Variants in NELL1 observed in about 807,000 individuals in gnomAD.
The protein encoded by NELL1 is neural EGFL like 1.
In NELL1, 76 loss-of-function variants were observed where a neutral mutation model predicts 107.4. The ratio of observed to expected loss-of-function variants is 0.71; its 90% CI spans 0.59 to 0.86. The LOEUF is 0.86. NELL1 is among the 40% of genes least tolerant of loss of function. The pLI, the probability that NELL1 is intolerant of heterozygous loss-of-function variation, is 0.00. For synonymous variants in NELL1, 353 were observed against 341.2 expected, an observed-to-expected ratio of 1.03 and a Z score of -0.38; for missense variants, 1,024 against 1,005.5, an observed-to-expected ratio of 1.02 and a Z score of -0.25.
At chr11:21,056,410 A>T (rs1853616670) in intron 12 of NELL1, among the ~76,000 whole-genome samples, 1 of 152,102 alleles carries the variant, frequency 6.6e-6, no homozygotes, top group Non-Finnish European at 1.5e-5. Flanking sequence ...AGAAGTGAGG[A>T]GGTTTGGGTC....
chr11:20,859,374 T>G (rs992884002), intron 4 of NELL1, among the ~76,000 whole-genome samples: 4 of 152,230 alleles, frequency 2.6e-5, no homozygotes, highest in Admixed American at 6.5e-5. Context: ...TTTGAAGTAT[T>G]GATAGGTTCA....
intron 13 of NELL1, among the ~76,000 whole-genome samples, chr11:21,218,369 G>T (rs1857669583): frequency 6.6e-6 from 1 of 152,042 alleles, no homozygotes; most frequent in Non-Finnish European, 1.5e-5. Context: ...TTGACATGTA[G>T]TAAGTGTACA....
At chr11:21,498,294 C>T (rs1440253664) in intron 15 of NELL1, among the ~76,000 whole-genome samples, 2 of 148,690 alleles carry the variant, frequency 1.3e-5, no homozygotes, top group Non-Finnish European at 3.0e-5. Flanking sequence ...CTCCATTTCA[C>T]CCATGTTTTA....
chr11:21,072,372 T>A (rs966626654), intron 12 of NELL1, among the ~76,000 whole-genome samples: 1 of 152,194 alleles, frequency 6.6e-6, no homozygotes, highest in African/African-American at 2.4e-5. Flanking sequence ...GTTCTTTCAC[T>A]ATTATTGTCC....
intron 14 of NELL1, among the ~76,000 whole-genome samples, chr11:21,315,161 G>A (rs962958022): frequency 1.3e-5 from 2 of 152,094 alleles, no homozygotes; most frequent in Non-Finnish European, 2.9e-5. Flanking sequence ...CTGGCTGAGA[G>A]CTCTTAACCA....
At chr11:21,432,651 G>C (rs886450246) in intron 15 of NELL1, among the ~76,000 whole-genome samples, 3 of 152,140 alleles carry the variant, frequency 2.0e-5, no homozygotes, top group Non-Finnish European at 2.9e-5. Flanking sequence ...TGGGGAGATT[G>C]GAAGGAAATA....
At chr11:20,755,033 C>G (rs932771683) in intron 2 of NELL1, among the ~76,000 whole-genome samples, 1 of 152,152 alleles carries the variant, frequency 6.6e-6, no homozygotes, top group African/African-American at 2.4e-5. Flanking sequence ...AAACAACTTC[C>G]CCAACCCCAA....
At chr11:20,960,628 G>A (rs1284660311) in intron 12 of NELL1, 68 bp downstream of exon 12, 12 of 1,556,520 alleles carry the variant, frequency 7.7e-6, no homozygotes, top group Admixed American at 1.8e-5. Context: ...GGTAGATGTG[G>A]TTAAAGAGTG....
intron 13 of NELL1, among the ~76,000 whole-genome samples, chr11:21,223,826 T>A (rs1857824053): frequency 6.6e-6 from 1 of 152,242 alleles, no homozygotes; most frequent in African/African-American, 2.4e-5. Flanking sequence ...TAGGACTTTG[T>A]TAAGCTTTTC....
chr11:21,243,001 A>AT (rs1311649098), intron 14 of NELL1, among the ~76,000 whole-genome samples: 1 of 151,980 alleles, frequency 6.6e-6, no homozygotes, highest in East Asian at 1.9e-4. Context: ...GTTAGTGATC[A>AT]TTTTTCCCCC....
rs74319160 is a variant in NELL1, at chr11:20,713,944, C to T, written c.184+35884C>T. Reference sequence around the variant, plus strand: ...CTCCTGAGATCTGGATATTCAGATTCCTCAGTTTGCATGTATGTTTGGAGG... The same window carrying T: ...CTCCTGAGATCTGGATATTCAGATTTCTCAGTTTGCATGTATGTTTGGAGG... On this transcript the variant is annotated intron_variant, in intron 2 of 19. Transcript: ENST00000357134. Among the ~76,000 whole-genome samples, 1,061 of 152,280 alleles carry T rather than the reference C, an allele frequency of 7.0e-3. 8 individuals are homozygous for T. Among genetic ancestry groups the T allele is most frequent in the Middle Eastern group, 0.024 (7 of 294 alleles).
chr11:21,353,506 G>T (rs1850862494), intron 14 of NELL1, among the ~76,000 whole-genome samples: 1 of 152,126 alleles, frequency 6.6e-6, no homozygotes, highest in East Asian at 1.9e-4. Flanking sequence ...CATTTTGAGG[G>T]ATTTGAGCTT....
chr11:21,340,806 G>A (rs1850546989), intron 14 of NELL1, among the ~76,000 whole-genome samples: 2 of 152,256 alleles, frequency 1.3e-5, no homozygotes, highest in South Asian at 4.1e-4. Context: ...GTAGCCTTCA[G>A]AAGGAACCAA....
At chr11:21,322,749 C>T (rs928273407) in intron 14 of NELL1, among the ~76,000 whole-genome samples, 7 of 151,978 alleles carry the variant, frequency 4.6e-5, no homozygotes, top group Non-Finnish European at 1.5e-5. Context: ...AAGGTCAAGC[C>T]ATGTTTGCCT....
chr11:21,061,704 A>T (rs945091748), intron 12 of NELL1, among the ~76,000 whole-genome samples: 22 of 152,122 alleles, frequency 1.4e-4, no homozygotes, highest in African/African-American at 3.9e-4. Context: ...GTCTTCGCTG[A>T]TACTTCGGAT....
rs554699325 is a variant in NELL1 at position 21,198,551 on chromosome 11, G to A, written c.1427-30781G>A. ...ATCACTGGTAGAGAGAGACAGGTGC[G>A]TCAGACTGCTGTCAGGAAGCTTAAT... On this transcript the variant is annotated intron_variant, in intron 13 of 19. Coordinates refer to ENST00000357134, the MANE Select transcript of NELL1 (RefSeq NM_006157.5). Among the ~76,000 whole-genome samples the A allele has an allele frequency of 1.9e-4, 29 of 152,272 alleles. No individual in the cohort carries two copies. The Middle Eastern group carries it at 0.01, about 54-fold the overall frequency.
intron 13 of NELL1, among the ~76,000 whole-genome samples, chr11:21,142,115 A>C (rs372912158): frequency 9.9e-5 from 15 of 152,008 alleles, no homozygotes; most frequent in Admixed American, 9.2e-4. Context: ...TAAAGTCATG[A>C]CTCAAAAGTC....
rs140721285 is a variant in NELL1, at chr11:20,799,937, T to C, written c.335+16107T>C. On this transcript the variant is annotated intron_variant, in intron 3 of 19. Transcript: ENST00000357134. ...TGTGTATTCAATGTTTTGTTCCCAC[T>C]TATAAGTAAGAACATGCAATATTTG... Among the ~76,000 whole-genome samples, 271 of 152,060 alleles carry C rather than the reference T, an allele frequency of 1.8e-3. 3 individuals carry two copies. The highest frequency in any genetic ancestry group is 6.3e-3 in the African/African-American group (263 of 41,574).
intron 5 of NELL1, among the ~76,000 whole-genome samples, chr11:20,908,256 T>C (rs930311626): frequency 6.6e-6 from 1 of 152,226 alleles, no homozygotes; most frequent in Non-Finnish European, 1.5e-5. Flanking sequence ...TGCACACGTA[T>C]GTTTATTACA....
Sources: allele counts gnomAD v4.1 joint callset (sites outside exome capture counted in the v4.1 genomes callset), GRCh38; gene constraint gnomAD v4.1.1; transcripts MANE v1.5; gene names NCBI Gene and HGNC (gene_info 2026-07-23, HGNC 2026-07-21).